SLC4A8: variants seen among roughly 807,000 people sequenced by gnomAD.
SLC4A8 encodes electroneutral sodium bicarbonate exchanger 1.
SLC4A8 carries 40 observed loss-of-function variants against 125.0 expected under a neutral mutation model. The ratio of observed to expected loss-of-function variants is 0.32; its 90% confidence interval spans 0.25 to 0.42. The LOEUF is 0.42. Ranked by LOEUF, SLC4A8 falls within the 10% of genes least tolerant of loss-of-function variation. The pLI is 1.00. For missense variants in SLC4A8, 863 were observed against 1,355.1 expected (o/e 0.64, Z 5.70); for synonymous variants, 456 against 476.0 (o/e 0.96, Z 0.55).
chr12:51,513,797 G>A lies in SLC4A8; in HGVS notation c.*6359G>A, dbSNP rs993259571. 6.6e-6 allele frequency: 1 copy of A among 152,194 alleles called. No homozygotes were observed. The highest frequency in any genetic ancestry group is 2.4e-5 in the African/African-American group (1 of 41,444). The allele number at this position is 152,194 out of a possible 1,614,324, so 9.4% of individuals were successfully genotyped here. ...AATCACAAATGTTTGATAAAATTCT[G>A]GTATGTGCTAAGTCCCAGGCTTGGT... On this transcript the variant is annotated 3_prime_UTR_variant, in exon 25 of 25. Transcript: ENST00000453097.
chr12:51,455,362 A>G (rs1051236751), intron 5 of SLC4A8, among the ~76,000 whole-genome samples: 1 of 152,126 alleles, frequency 6.6e-6, no homozygotes, highest in Non-Finnish European at 1.5e-5. Flanking sequence ...AATAACAATT[A>G]AAAAAAGTGC....
At chr12:51,465,100 G>A (rs1459438060) in intron 11 of SLC4A8, among the ~76,000 whole-genome samples, 1 of 152,174 alleles carries the variant, frequency 6.6e-6, no homozygotes, top group East Asian at 1.9e-4. Context: ...GCCTGGTATT[G>A]AGAGGCAGTT....
intron 1 of SLC4A8, among the ~76,000 whole-genome samples, chr12:51,416,371 G>A (rs1235990054): frequency 6.6e-6 from 1 of 152,072 alleles, no homozygotes; most frequent in Non-Finnish European, 1.5e-5. Flanking sequence ...GGCTGGGCAC[G>A]GCGGCTCTTG....
chr12:51,461,546 C>A, intron 9 of SLC4A8: 1 of 368,604 alleles, frequency 2.7e-6, no homozygotes, highest in Non-Finnish European at 5.0e-6. Flanking sequence ...ACTATTATTG[C>A]CAAGTAGGAT....
chr12:51,491,740 G>C (rs4761977), intron 19 of SLC4A8, among the ~76,000 whole-genome samples: 62,235 of 146,038 alleles, frequency 0.43, 13,145 homozygotes, highest in Non-Finnish European at 0.46. Flanking sequence ...GGGATGGGCA[G>C]ACACACACAC....
rs563904391 is a variant in SLC4A8, at chr12:51,461,111, G to T, written c.1014-93G>T. 5.0e-5 allele frequency: 29 copies of T among 581,156 alleles called. No homozygotes were observed. In the East Asian group the frequency reaches 8.4e-4, roughly 17 times the overall value. 36.0% of individuals were successfully genotyped at this position (581,156 alleles called of 1,614,324 possible). A position where few individuals can be genotyped will look rare whatever the true frequency, so the allele number is the denominator to read the frequency against. ...GAAGGTACAGTGATGATTTATGTAC[G>T]ATAAGAGAGAGAAATCTTATACTGT... On this transcript the variant is annotated intron_variant, in intron 8 of 24. Transcript: ENST00000453097.
chr12:51,493,334 GAGATTACAGA>G (rs2138412026), intron 19 of SLC4A8, among the ~76,000 whole-genome samples: 1 of 152,274 alleles, frequency 6.6e-6, no homozygotes, highest in East Asian at 1.9e-4. Context: ...AGATGATTGT[GAGATTACAGA>G]AGATTTAAAA....
At chr12:51,503,716 G>T (rs1273580356) in intron 22 of SLC4A8, among the ~76,000 whole-genome samples, 1 of 152,162 alleles carries the variant, frequency 6.6e-6, no homozygotes, top group Non-Finnish European at 1.5e-5. Context: ...TCACCATTTA[G>T]ATTTTGCTAA....
intron 4 of SLC4A8, among the ~76,000 whole-genome samples, chr12:51,452,501 G>A (rs1950001170): frequency 6.6e-6 from 1 of 152,174 alleles, no homozygotes; most frequent in Admixed American, 6.5e-5. Flanking sequence ...ATATTCAGGG[G>A]GGCCCCTCTC....
chr12:51,417,544 G>T (rs1337609859), intron 1 of SLC4A8, among the ~76,000 whole-genome samples: 2 of 137,952 alleles, frequency 1.4e-5, no homozygotes, highest in African/African-American at 2.8e-5. Context: ...TTGAGACGAA[G>T]TCTCACACTG....
chr12:51,440,867 A>G (rs1476497638), intron 2 of SLC4A8, 78 bp downstream of exon 2: 2 of 1,235,242 alleles, frequency 1.6e-6, no homozygotes, highest in Non-Finnish European at 1.1e-6. Context: ...TCTGTGTCCT[A>G]ACTCTCTCAC....
intron 2 of SLC4A8, among the ~76,000 whole-genome samples, chr12:51,444,350 T>G (rs758909269): frequency 1.3e-5 from 2 of 152,214 alleles, no homozygotes; most frequent in Non-Finnish European, 2.9e-5. Flanking sequence ...TGCCTGATTT[T>G]CTGACAGCCG....
At chr12:51,425,176 C>T (rs1050738767) in intron 1 of SLC4A8, 141 bp downstream of exon 1, 24 of 1,425,862 alleles carry the variant, frequency 1.7e-5, no homozygotes, top group Non-Finnish European at 2.1e-5. Flanking sequence ...CCCGGGACAC[C>T]AGGGGGCGCT....
intron 1 of SLC4A8, among the ~76,000 whole-genome samples, chr12:51,433,887 T>TTG (rs1949306070): frequency 1.6e-5 from 2 of 127,594 alleles, no homozygotes; most frequent in Non-Finnish European, 3.3e-5. Context: ...TTGGTTGGTT[T>TTG]TTTTTTGAGA....
Position 51,439,785 on chromosome 12 carries a change from G to A in SLC4A8, c.49-923G>A, listed in dbSNP as rs137985298. 4.1e-3 allele frequency among the ~76,000 whole-genome samples: 618 copies of A among 152,268 alleles called. 13 individuals are homozygous for A. Among genetic ancestry groups the A allele is most frequent in the East Asian group, 7.9e-3 (41 of 5,180 alleles). ...TGGTAGGCACTCATACATGTGGAAT[G>A]GATGAATAAGTAACTTTGAAATTTC... On this transcript the variant is annotated intron_variant, in intron 1 of 24. Transcript: ENST00000453097.
In SLC4A8 at chr12:51,515,383, AG is replaced by A. The variant is rs1938497025; in HGVS notation, c.*7946del. On this transcript the variant is annotated 3_prime_UTR_variant, in exon 25 of 25. Transcript: ENST00000453097. ...GCTAATGGTGTCAGGTGGAGAACAG[AG>A]CAACCTTCCCTCGGAAGGAGACAAT... The A allele has an allele frequency of 6.6e-6, 1 of 152,232 alleles. No individual in the cohort carries two copies. The highest frequency in any genetic ancestry group is 2.4e-5 in the African/African-American group (1 of 41,448). The allele number at this position is 152,232 out of a possible 1,614,324, so 9.4% of individuals were successfully genotyped here.
At chr12:51,397,730 TA>T (rs36105650) in intron 1 of SLC4A8, among the ~76,000 whole-genome samples, 38,828 of 152,028 alleles carry the variant, frequency 0.26, 5,282 homozygotes, top group Non-Finnish European at 0.31. Context: ...GGTGCATTTT[TA>T]AAAATCTTTA....
In SLC4A8 at chr12:51,424,937, C is replaced by T. The variant is rs1269083792; in HGVS notation, c.-51C>T. 1 of 1,543,818 alleles carries T rather than the reference C, an allele frequency of 6.5e-7. No homozygotes were observed. The highest frequency in any genetic ancestry group is 8.8e-7 in the Non-Finnish European group (1 of 1,141,344). On this transcript the variant is annotated 5_prime_UTR_variant, in exon 1 of 25. Coordinates refer to ENST00000453097, the MANE Select transcript of SLC4A8 (RefSeq NM_001039960.3). ...CTCAGACCCGACCAGAGGGCGCGGG[C>T]TGCTGATGCTTGGCTTGGAGCCCGT...
At chr12:51,396,756 T>C (rs764451397) in intron 1 of SLC4A8, among the ~76,000 whole-genome samples, 1 of 151,834 alleles carries the variant, frequency 6.6e-6, no homozygotes, top group Non-Finnish European at 1.5e-5. Context: ...TATACCCTCA[T>C]ACATATTTTT....
Sources: gnomAD v4.1 joint callset for allele counts (sites outside exome capture counted in the v4.1 genomes callset) on GRCh38, gnomAD v4.1.1 for gene constraint, MANE v1.5 for transcripts, NCBI Gene and HGNC (gene_info 2026-07-23, HGNC 2026-07-21) for gene names.